The following CCDC171 variants were observed in gnomAD, a reference collection of about 807,000 sequenced individuals.
The protein encoded by CCDC171 is coiled-coil domain containing 171.
A neutral mutation model predicts 168.2 loss-of-function variants in CCDC171; 177 were observed. The ratio of observed to expected loss-of-function variants is 1.05; its 90% confidence interval spans 0.93 to 1.19. The LOEUF (loss-of-function observed/expected upper bound fraction) is 1.19, where lower values mean the gene tolerates loss of function less well. Ranked by LOEUF, CCDC171 falls within the 50% of genes most tolerant of loss-of-function variation. CCDC171 has a pLI of 0.00. For synonymous variants in CCDC171, 687 were observed against 540.8 expected (o/e 1.27, Z -3.75); for missense variants, 1,991 against 1,539.0 (o/e 1.29, Z -4.91).
At chr9:15,698,205 C>G (rs898809391) in intron 11 of CCDC171, among the ~76,000 whole-genome samples, 1 of 152,122 alleles carries the variant, frequency 6.6e-6, no homozygotes, top group South Asian at 2.1e-4. Context: ...GTGAGATCTG[C>G]TTTTTTAGCT....
chr9:15,590,801 C>CT lies in CCDC171; in HGVS notation c.353-562dup, dbSNP rs2041941366. Among the ~76,000 whole-genome samples, 4 of 141,962 alleles carry CT rather than the reference C, an allele frequency of 2.8e-5. No individual in the cohort carries two copies. The South Asian group carries it at 6.8e-4, about 24-fold the overall frequency. 93.1% of individuals were successfully genotyped at this position (141,962 alleles called of 152,430 possible). ...TCTTTCTTTCTTTCTTTCTTTCTTT[C>CT]TTTCTTTCTTTCTTTCTTTCTTTCT... On this transcript the variant is annotated intron_variant, in intron 4 of 25. Coordinates refer to ENST00000380701, the MANE Select transcript of CCDC171 (RefSeq NM_173550.4).
chr9:16,091,317 G>T, the CCDC171 span, among the ~76,000 whole-genome samples: 1 of 152,160 alleles, frequency 6.6e-6, no homozygotes, highest in African/African-American at 2.4e-5. Context: ...CAATGGAAAA[G>T]AAATGAGATA....
At chr9:15,960,991 C>T (rs944649365) in intron 25 of CCDC171, among the ~76,000 whole-genome samples, 1 of 151,772 alleles carries the variant, frequency 6.6e-6, no homozygotes, top group Non-Finnish European at 1.5e-5. Context: ...TGGCCTAAAA[C>T]AGCAGTGGAA....
At chr9:15,694,914 G>C (rs189588352) in intron 10 of CCDC171, among the ~76,000 whole-genome samples, 4 of 152,278 alleles carry the variant, frequency 2.6e-5, no homozygotes, top group African/African-American at 9.6e-5. Context: ...TAATTCCTCT[G>C]TCTCAGTTTT....
In CCDC171 at chr9:15,648,503, C is replaced by T. The variant is rs574325312; in HGVS notation, c.823-8624C>T. On this transcript the variant is annotated intron_variant, in intron 7 of 25. Coordinates refer to ENST00000380701, the MANE Select transcript of CCDC171 (RefSeq NM_173550.4). ...TGATTGTATATTTAGAAAACCCCAT[C>T]GTCTCAGCCCAAAATCTCCTTAAGC... Among the ~76,000 whole-genome samples, 990 of 152,250 alleles carry T rather than the reference C, an allele frequency of 6.5e-3. 10 individuals are homozygous for T. The highest frequency in any genetic ancestry group is 0.023 in the African/African-American group (936 of 41,538).
chr9:16,064,479 A>C (rs2133090906), downstream of CCDC171, among the ~76,000 whole-genome samples: 1 of 152,238 alleles, frequency 6.6e-6, no homozygotes, highest in East Asian at 1.9e-4. Flanking sequence ...TGCTGACAAG[A>C]GAAGGAAAGA....
At chr9:15,597,286 C>G (rs1162856054) in intron 6 of CCDC171, among the ~76,000 whole-genome samples, 4 of 152,034 alleles carry the variant, frequency 2.6e-5, no homozygotes, top group African/African-American at 4.8e-5. Context: ...GTGGGTTTGT[C>G]ATAAAGAGCT....
chr9:15,598,003 A>G (rs867965821), intron 6 of CCDC171, among the ~76,000 whole-genome samples: 34 of 151,792 alleles, frequency 2.2e-4, no homozygotes, highest in South Asian at 8.3e-4. Context: ...CCCCTTTATG[A>G]TTTTTTATTG....
chr9:15,571,548 T>C (rs2040221891), intron 2 of CCDC171, 76 bp from the exon 3 acceptor site: 1 of 1,225,314 alleles, frequency 8.2e-7, no homozygotes, highest in African/African-American at 1.6e-5. Flanking sequence ...AAAAATAAGT[T>C]ATCAAAAATA....
the CCDC171 span, among the ~76,000 whole-genome samples, chr9:16,068,774 G>GATGTATTCTGCCAGA: frequency 0.09 from 13,601 of 151,774 alleles, 779 homozygotes; most frequent in Middle Eastern, 0.13. Flanking sequence ...ATTCTGCCAG[G>GATGTATTCTGCCAGA]ATACGATGTA....
chr9:15,628,173 G>A (rs961032292), intron 7 of CCDC171, among the ~76,000 whole-genome samples: 1 of 152,146 alleles, frequency 6.6e-6, no homozygotes, highest in Non-Finnish European at 1.5e-5. Context: ...CCAGACAGTG[G>A]GCGCAGGACA....
intron 20 of CCDC171, 54 bp downstream of exon 20, chr9:15,779,204 C>A: frequency 2.0e-6 from 2 of 1,023,896 alleles, no homozygotes; most frequent in Non-Finnish European, 2.6e-6. Context: ...ATTTCTTTAT[C>A]TCTATATCCT....
chr9:15,869,095 A>G (rs2061915983), intron 23 of CCDC171, among the ~76,000 whole-genome samples: 1 of 152,040 alleles, frequency 6.6e-6, no homozygotes, highest in Non-Finnish European at 1.5e-5. Context: ...TTCAGGACAG[A>G]TGCAGCTTAA....
chr9:16,007,668 A>G (rs1280126224), intron 3 of CCDC171, among the ~76,000 whole-genome samples: 1 of 152,216 alleles, frequency 6.6e-6, no homozygotes, highest in East Asian at 1.9e-4. Context: ...CAGTTTTCCC[A>G]GCACCATTTA....
At chr9:15,654,400 C>A (rs1587762035) in intron 7 of CCDC171, among the ~76,000 whole-genome samples, 1 of 152,296 alleles carries the variant, frequency 6.6e-6, no homozygotes, top group East Asian at 1.9e-4. Flanking sequence ...CCAGGTGCAT[C>A]TACAAAGGCC....
chr9:15,597,151 C>G (rs140382641), intron 6 of CCDC171, among the ~76,000 whole-genome samples: 1 of 151,538 alleles, frequency 6.6e-6, no homozygotes, highest in South Asian at 2.1e-4. Context: ...TTCTCCTGCC[C>G]GATTGCCCTG....
chr9:15,797,251 T>G (rs1266558663), intron 21 of CCDC171, among the ~76,000 whole-genome samples: 1 of 152,116 alleles, frequency 6.6e-6, no homozygotes, highest in African/African-American at 2.4e-5. Context: ...AGGTCTCCCT[T>G]TGTCACTCAG....
At chr9:16,043,683 T>A (rs893764172) in intron 1 of CCDC171, among the ~76,000 whole-genome samples, 1 of 152,242 alleles carries the variant, frequency 6.6e-6, no homozygotes, top group Non-Finnish European at 1.5e-5. Context: ...GATCTGTAGA[T>A]ATCAGATGTG....
intron 7 of CCDC171, among the ~76,000 whole-genome samples, chr9:15,623,683 C>T (rs2044772038): frequency 6.6e-6 from 1 of 152,078 alleles, no homozygotes. Flanking sequence ...ACAATTAACT[C>T]TCATGGAATA....
Sources: gnomAD v4.1 joint callset for allele counts (sites outside exome capture counted in the v4.1 genomes callset) on GRCh38, gnomAD v4.1.1 for gene constraint, MANE v1.5 for transcripts, NCBI Gene and HGNC (gene_info 2026-07-23, HGNC 2026-07-21) for gene names.